The following CSMD1 variants were observed in gnomAD, a reference collection of about 807,000 sequenced individuals.
CSMD1 encodes the protein CUB and sushi domain-containing protein 1.
CSMD1 carries 213 observed loss-of-function variants against 417.5 expected under a neutral mutation model. That is an observed-to-expected ratio of 0.51 (90% CI 0.46 to 0.57). The LOEUF (loss-of-function observed/expected upper bound fraction) is 0.57. CSMD1 is among the 20% of genes least tolerant of loss of function. The pLI is 0.00. For missense variants in CSMD1, 6,923 were observed against 4,529.7 expected (o/e 1.53, Z -15.17); for synonymous variants, 2,862 against 1,736.8 (o/e 1.65, Z -16.11).
intron 54 of CSMD1, among the ~76,000 whole-genome samples, chr8:2,992,365 C>T (rs934720505): frequency 8.6e-5 from 13 of 151,866 alleles, no homozygotes; most frequent in Admixed American, 5.9e-4. Context: ...ATGGCGAAAG[C>T]GCCCCTGAAC....
At chr8:3,551,407 T>A (rs938604988) in intron 10 of CSMD1, among the ~76,000 whole-genome samples, 5 of 152,006 alleles carry the variant, frequency 3.3e-5, no homozygotes, top group African/African-American at 9.7e-5. Context: ...ATGCTTTAGG[T>A]TGCAGTAAAC....
chr8:3,157,238 G>C (rs1015438266), intron 39 of CSMD1, among the ~76,000 whole-genome samples: 9 of 152,078 alleles, frequency 5.9e-5, no homozygotes, highest in African/African-American at 9.7e-5. Flanking sequence ...CTGAATGATG[G>C]GGAGCAAAGG....
chr8:3,249,389 T>C (rs1467196965), intron 26 of CSMD1, among the ~76,000 whole-genome samples: 1 of 152,062 alleles, frequency 6.6e-6, no homozygotes, highest in Non-Finnish European at 1.5e-5. Context: ...CGCTCGGCTA[T>C]TTTTTTGTAT....
At chr8:3,243,689 A>T (rs1799693203) in intron 26 of CSMD1, among the ~76,000 whole-genome samples, 2 of 152,090 alleles carry the variant, frequency 1.3e-5, no homozygotes, top group African/African-American at 4.8e-5. Flanking sequence ...ATGATGGCTT[A>T]GCTTGGGCTC....
chr8:3,161,948 T>C (rs951231132), intron 38 of CSMD1, among the ~76,000 whole-genome samples: 7 of 152,144 alleles, frequency 4.6e-5, no homozygotes, highest in East Asian at 3.9e-4. Context: ...TTGTGAAAAA[T>C]ACAATGCTTA....
At chr8:4,539,356 G>C (rs370543322) in intron 2 of CSMD1, among the ~76,000 whole-genome samples, 2 of 152,096 alleles carry the variant, frequency 1.3e-5, no homozygotes, top group African/African-American at 4.8e-5. Flanking sequence ...CTTTCACTAA[G>C]CCCATGGATC....
intron 17 of CSMD1, among the ~76,000 whole-genome samples, chr8:3,388,341 CCT>C (rs1331768187): frequency 4.6e-5 from 7 of 152,114 alleles, no homozygotes; most frequent in Non-Finnish European, 1.0e-4. Context: ...TTTCTTTTCT[CCT>C]CTCACATTTC....
intron 5 of CSMD1, among the ~76,000 whole-genome samples, chr8:3,983,285 C>A (rs181468842): frequency 6.6e-6 from 1 of 152,052 alleles, no homozygotes; most frequent in African/African-American, 2.4e-5. Context: ...CGCCCACCAC[C>A]ACGCCCGGCT....
intron 2 of CSMD1, among the ~76,000 whole-genome samples, chr8:4,429,914 C>T (rs1438202): frequency 1.1e-4 from 17 of 151,644 alleles, no homozygotes; most frequent in African/African-American, 3.9e-4. Context: ...CTTGGGGATT[C>T]AATCAGTGGT....
intron 5 of CSMD1, among the ~76,000 whole-genome samples, chr8:3,997,048 T>G (rs190140665): frequency 6.6e-6 from 1 of 152,332 alleles, no homozygotes; most frequent in Non-Finnish European, 1.5e-5. Context: ...CCTCTGTGTC[T>G]ACCTGAGTTT....
At chr8:3,407,470 T>C (rs1307033149) in intron 14 of CSMD1, among the ~76,000 whole-genome samples, 4 of 151,142 alleles carry the variant, frequency 2.6e-5, no homozygotes, top group Non-Finnish European at 5.9e-5. Context: ...GAAGAAAGGA[T>C]GGATAGATGC....
intron 1 of CSMD1, among the ~76,000 whole-genome samples, chr8:4,828,686 T>G (rs1257537676): frequency 6.6e-6 from 1 of 152,118 alleles, no homozygotes; most frequent in Non-Finnish European, 1.5e-5. Context: ...AGCCCAGGTG[T>G]GTAAAAGTCA....
At chr8:3,715,142 ATATTT>A (rs1419913481) in intron 6 of CSMD1, among the ~76,000 whole-genome samples, 4 of 152,192 alleles carry the variant, frequency 2.6e-5, no homozygotes, top group African/African-American at 4.8e-5. Flanking sequence ...AGATCACCTT[ATATTT>A]TAAACACACA....
chr8:3,829,363 C>G lies in CSMD1; in HGVS notation c.819-75321G>C, dbSNP rs563032903. Among the ~76,000 whole-genome samples the G allele has an allele frequency of 2.3e-3, 356 of 152,300 alleles. 3 individuals are homozygous for G. The highest frequency in any genetic ancestry group is 3.8e-3 in the Non-Finnish European group (259 of 68,038). ...TCTTTCTGGTTACTGAGAACTCTGT[C>G]AAACTATACCCCTTCAGAGAAGTTT... is the stretch of plus-strand genomic sequence containing the variant. On this transcript the variant is annotated intron_variant, in intron 5 of 69. Coordinates refer to ENST00000635120, the MANE Select transcript of CSMD1 (RefSeq NM_033225.6).
chr8:4,315,530 T>C (rs907750233), intron 3 of CSMD1, among the ~76,000 whole-genome samples: 1 of 152,202 alleles, frequency 6.6e-6, no homozygotes, highest in African/African-American at 2.4e-5. Flanking sequence ...ATTAGATTTC[T>C]AGAAATTAAC....
chr8:4,389,224 T>C lies in CSMD1; in HGVS notation c.415+30729A>G, dbSNP rs1803678566. On this transcript the variant is annotated intron_variant, in intron 3 of 69. Coordinates refer to ENST00000635120, the MANE Select transcript of CSMD1 (RefSeq NM_033225.6). ...GGAGGGAGTGGGCTACTTCTAGCAA[T>C]ACTTTCTCTCCTCTTTGGGTCATAT... is the stretch of plus-strand genomic sequence containing the variant. Among the ~76,000 whole-genome samples, 3 of 152,204 alleles carry C rather than the reference T, an allele frequency of 2.0e-5. No individual in the cohort carries two copies. The South Asian group carries it at 6.2e-4, about 31-fold the overall frequency.
intron 3 of CSMD1, among the ~76,000 whole-genome samples, chr8:4,347,215 C>T (rs1004477683): frequency 1.3e-5 from 2 of 152,058 alleles, no homozygotes; most frequent in African/African-American, 4.8e-5. Flanking sequence ...GTTAGAAATA[C>T]TTGGAAATTA....
chr8:3,858,364 C>T (rs1168185877), intron 5 of CSMD1, among the ~76,000 whole-genome samples: 1 of 152,102 alleles, frequency 6.6e-6, no homozygotes, highest in Non-Finnish European at 1.5e-5. Context: ...CATGCTTGAC[C>T]TTGGTTTTAT....
intron 7 of CSMD1, among the ~76,000 whole-genome samples, chr8:3,690,660 G>T (rs949254182): frequency 6.6e-6 from 1 of 152,144 alleles, no homozygotes; most frequent in Admixed American, 6.5e-5. Context: ...TTGTCCTTAG[G>T]GGCTGTGTGG....
Sources: allele counts gnomAD v4.1 joint callset (sites outside exome capture counted in the v4.1 genomes callset), GRCh38; gene constraint gnomAD v4.1.1; transcripts MANE v1.5; gene names NCBI Gene and HGNC (gene_info 2026-07-23, HGNC 2026-07-21).